The following ANKRD33B variants were observed in gnomAD, a reference collection of about 807,000 sequenced individuals.
ANKRD33B encodes ankyrin repeat domain-containing protein 33B.
A neutral mutation model predicts 21.5 loss-of-function variants in ANKRD33B; 6 were observed. That is an observed-to-expected ratio of 0.28 (90% confidence interval 0.15 to 0.55). The LOEUF is 0.55. Ranked by LOEUF, ANKRD33B falls within the 20% of genes least tolerant of loss-of-function variation. The probability of loss-of-function intolerance (pLI) is 0.94; values close to 1 mark genes in which losing one functional copy is unlikely to be tolerated. For synonymous variants in ANKRD33B, 347 were observed against 342.4 expected, an observed-to-expected ratio of 1.01 and a Z score of -0.15; for missense variants, 698 against 747.2, an observed-to-expected ratio of 0.93 and a Z score of 0.77.
intron 1 of ANKRD33B, among the ~76,000 whole-genome samples, chr5:10,573,296 G>A (rs368426023): frequency 1.3e-4 from 20 of 151,904 alleles, no homozygotes; most frequent in Admixed American, 5.9e-4. Context: ...GTGAAACCCC[G>A]TCTTTACTAA....
At chr5:10,625,062 ATGT>A (rs1736512185) in intron 2 of ANKRD33B, 1 of 298,074 alleles carries the variant, frequency 3.4e-6, no homozygotes, top group Non-Finnish European at 6.7e-6. Context: ...CCCACGAGAG[ATGT>A]TGTCAGACAG....
chr5:10,603,413 C>T (rs1229089194), intron 1 of ANKRD33B, among the ~76,000 whole-genome samples: 2 of 151,864 alleles, frequency 1.3e-5, no homozygotes, highest in Non-Finnish European at 2.9e-5. Context: ...TAGGTGTGCA[C>T]CACCATGCCA....
intron 1 of ANKRD33B, among the ~76,000 whole-genome samples, chr5:10,587,059 A>G (rs1401200579): frequency 2.0e-5 from 3 of 151,966 alleles, no homozygotes; most frequent in South Asian, 4.1e-4. Context: ...CTGTCGCCCA[A>G]GCTGGAATGC....
chr5:10,578,416 A>T (rs1426447561), intron 1 of ANKRD33B, among the ~76,000 whole-genome samples: 8 of 152,218 alleles, frequency 5.3e-5, no homozygotes, highest in Non-Finnish European at 2.9e-5. Context: ...AAGTTACATT[A>T]TCTGGAAGGA....
intron 1 of ANKRD33B, among the ~76,000 whole-genome samples, chr5:10,589,994 C>T (rs1166218379): frequency 1.3e-5 from 2 of 149,378 alleles, no homozygotes; most frequent in Non-Finnish European, 3.0e-5. Context: ...TTAAACTTAT[C>T]TTTTGATTCA....
chr5:10,614,230 A>G (rs1337940543), intron 1 of ANKRD33B, among the ~76,000 whole-genome samples: 1 of 152,068 alleles, frequency 6.6e-6, no homozygotes, highest in Non-Finnish European at 1.5e-5. Context: ...TCTTCAGCTG[A>G]TTGGATGAGG....
intron 2 of ANKRD33B, chr5:10,624,891 G>T: frequency 2.3e-6 from 1 of 442,470 alleles, no homozygotes; most frequent in Non-Finnish European, 4.5e-6. Flanking sequence ...AATAGGCCTG[G>T]GGTGGGGCCC....
chr5:10,645,679 C>T (rs528313948), intron 3 of ANKRD33B, among the ~76,000 whole-genome samples: 7 of 152,280 alleles, frequency 4.6e-5, no homozygotes, highest in Admixed American at 6.5e-5. Context: ...CTTGATTCCA[C>T]GAGAATCACC....
intron 1 of ANKRD33B, among the ~76,000 whole-genome samples, chr5:10,606,299 A>G (rs1210323336): frequency 6.6e-6 from 1 of 152,240 alleles, no homozygotes; most frequent in Non-Finnish European, 1.5e-5. Context: ...TCCTGATTAC[A>G]GGGCTACAAG....
chr5:10,564,093 C>T lies in ANKRD33B; in HGVS notation c.-375C>T, dbSNP rs1734985314. ...TTAGTGATTGCTTCTGCTTCTCCCG[C>T]GCCAGCTGTCCCCAGCTCTGGGGCA... On this transcript the variant is annotated 5_prime_UTR_variant, in exon 1 of 4. Coordinates refer to ENST00000296657, the MANE Select transcript of ANKRD33B (RefSeq NM_001164440.2). Among the ~76,000 whole-genome samples the T allele has an allele frequency of 2.0e-5, 3 of 152,140 alleles. No individual in the cohort carries two copies. The highest frequency in any genetic ancestry group is 6.5e-5 in the Admixed American group (1 of 15,282).
At position 10,649,395 on chromosome 5, in the gene ANKRD33B, G is replaced by C; in HGVS notation, c.767G>C (p.Trp256Ser). ...LLERPCPEQF[W>S]EKYRPELPPP... ...GAGCGCCCCTGCCCGGAGCAGTTCT[G>C]GGAGAAGTACCGGCCCGAGCTGCCG... Residue 256 changes from tryptophan to serine, a missense_variant, in exon 4 of 4, where the codon TGG becomes TCG. By Grantham distance (177) the Trp-to-Ser change is radical. Around this residue, in one of 3 missense-constraint regions of ANKRD33B, gnomAD observed 543 missense variants for 566.5 expected, o/e 0.96. Transcript: ENST00000296657. The C allele has an allele frequency of 6.5e-7, 1 of 1,535,570 alleles. No individual in the cohort carries two copies.
rs1298202608 is a variant in ANKRD33B, at chr5:10,656,262, T to G, written c.*6149T>G. 6.6e-6 allele frequency: 1 copy of G among 152,336 alleles called. No individual in the cohort carries two copies. The highest frequency in any genetic ancestry group is 1.5e-5 in the Non-Finnish European group (1 of 68,036). 9.4% of individuals were successfully genotyped at this position (152,336 alleles called of 1,614,324 possible). On this transcript the variant is annotated 3_prime_UTR_variant, in exon 4 of 4. Transcript: ENST00000296657. ...AGAAACACACAGTACCTGGATTGTTTTGACTTATTTTCAAGCGACTCAGCT... is the reference window on the plus strand; with the variant it reads ...AGAAACACACAGTACCTGGATTGTTGTGACTTATTTTCAAGCGACTCAGCT...
Position 10,653,111 on chromosome 5 carries a change from T to G in ANKRD33B, c.*2998T>G, listed in dbSNP as rs1473274594. 1 of 166,320 alleles carries G rather than the reference T, an allele frequency of 6.0e-6. No homozygotes were observed. The highest frequency in any genetic ancestry group is 1.3e-5 in the Non-Finnish European group (1 of 76,120). The allele number at this position is 166,320 out of a possible 1,614,324, so 10.3% of individuals were successfully genotyped here. The stretch of plus-strand genomic sequence containing the variant: ...GAAAGAAGGGTCATTCCTGATTGAG[T>G]TGGAGACTCTCCCCAGTCCCTCTCT... On this transcript the variant is annotated 3_prime_UTR_variant, in exon 4 of 4. Transcript: ENST00000296657.
In ANKRD33B at chr5:10,564,429, C is replaced by T. The variant is rs903951647; in HGVS notation, c.-39C>T. On this transcript the variant is annotated 5_prime_UTR_variant, in exon 1 of 4. Transcript: ENST00000296657. ...CGCGCCCCGCGTCCCGCTCTTCCTG[C>T]CCGCGCCCCGGCCCCCGGCCCGCGC... 2.9e-6 allele frequency: 3 copies of T among 1,042,566 alleles called. No individual in the cohort carries two copies. The highest frequency in any genetic ancestry group is 3.5e-6 in the Non-Finnish European group (3 of 868,616). The allele number at this position is 1,042,566 out of a possible 1,614,324, so 64.6% of individuals were successfully genotyped here. A position where few individuals can be genotyped will look rare whatever the true frequency, so the allele number is the denominator to read the frequency against.
rs1734999953 is a variant in ANKRD33B, at chr5:10,564,442, C to T, written c.-26C>T. ...CCGCTCTTCCTGCCCGCGCCCCGGC[C>T]CCCGGCCCGCGCCCCGGCCGCCGGC... On this transcript the variant is annotated 5_prime_UTR_variant, in exon 1 of 4. Coordinates refer to ENST00000296657, the MANE Select transcript of ANKRD33B (RefSeq NM_001164440.2). 9.2e-7 allele frequency: 1 copy of T among 1,085,390 alleles called. No homozygotes were observed. The highest frequency in any genetic ancestry group is 1.1e-6 in the Non-Finnish European group (1 of 895,996). The allele number at this position is 1,085,390 out of a possible 1,614,324, so 67.2% of individuals were successfully genotyped here. A position where few individuals can be genotyped will look rare whatever the true frequency, so the allele number is the denominator to read the frequency against.
chr5:10,621,322 A>C (rs1490170933), intron 2 of ANKRD33B, among the ~76,000 whole-genome samples: 1 of 152,218 alleles, frequency 6.6e-6, no homozygotes, highest in Non-Finnish European at 1.5e-5. Flanking sequence ...GCTCATTCAC[A>C]CTAAATGTTA....
intron 3 of ANKRD33B, among the ~76,000 whole-genome samples, chr5:10,640,194 G>A (rs1038692427): frequency 1.3e-5 from 2 of 152,166 alleles, no homozygotes; most frequent in Non-Finnish European, 2.9e-5. Flanking sequence ...AGGAGGCAAC[G>A]TGGTATTGCA....
In ANKRD33B at chr5:10,651,324, A is replaced by C. The variant is rs1164875964; in HGVS notation, c.*1211A>C. On this transcript the variant is annotated 3_prime_UTR_variant, in exon 4 of 4. Transcript: ENST00000296657. ...ATTTCCAAGATGCAGGGCCTTGGGC[A>C]GGGCAGGGCATGGGTGTGATTTGCC... 1.3e-5 allele frequency: 2 copies of C among 152,284 alleles called. No individual in the cohort carries two copies. Among genetic ancestry groups the C allele is most frequent in the Non-Finnish European group, 2.9e-5 (2 of 68,040 alleles). The allele number at this position is 152,284 out of a possible 1,614,324, so 9.4% of individuals were successfully genotyped here.
chr5:10,572,233 C>T (rs1359490162), intron 1 of ANKRD33B, among the ~76,000 whole-genome samples: 1 of 152,116 alleles, frequency 6.6e-6, no homozygotes, highest in Non-Finnish European at 1.5e-5. Context: ...TTTCAATGTG[C>T]AGCCAACACT....
Sources: gnomAD v4.1 joint callset for allele counts (sites outside exome capture counted in the v4.1 genomes callset) on GRCh38, gnomAD v4.1.1 for gene constraint, gnomAD v4.1.1 regional missense constraint, MANE v1.5 for transcripts, NCBI Gene and HGNC (gene_info 2026-07-23, HGNC 2026-07-21) for gene names.